The following P4HA1 variants were observed in gnomAD, a reference collection of about 807,000 sequenced individuals.
P4HA1 encodes the protein prolyl 4-hydroxylase subunit alpha-1.
In P4HA1, 24 loss-of-function variants were observed where a neutral mutation model predicts 72.8. The observed-to-expected ratio is 0.33, with a 90% CI of 0.24 to 0.46. The LOEUF (loss-of-function observed/expected upper bound fraction) is 0.46, where lower values mean the gene tolerates loss of function less well. Ranked by LOEUF, P4HA1 falls within the 20% of genes least tolerant of loss-of-function variation. The pLI, the probability that P4HA1 is intolerant of heterozygous loss-of-function variation, is 1.00. For synonymous variants in P4HA1, 201 were observed against 218.8 expected, an observed-to-expected ratio of 0.92 and a Z score of 0.72; for missense variants, 446 against 640.6, an observed-to-expected ratio of 0.70 and a Z score of 3.28.
intron 10 of P4HA1, among the ~76,000 whole-genome samples, chr10:73,018,854 C>A (rs1360811392): frequency 1.3e-5 from 2 of 152,038 alleles, no homozygotes; most frequent in Admixed American, 1.3e-4. Context: ...GCCTCAGAGT[C>A]ACAGATCCTG....
At chr10:73,027,805 TATGGAAGGA>T in intron 10 of P4HA1, among the ~76,000 whole-genome samples, 1 of 97,334 alleles carries the variant, frequency 1.0e-5, no homozygotes, top group Middle Eastern at 9.3e-3. Flanking sequence ...AGGAAGGAAA[TATGGAAGGA>T]AGGAAGGGAG....
At chr10:73,010,373 C>T (rs112198773) in intron 13 of P4HA1, among the ~76,000 whole-genome samples, 3 of 151,992 alleles carry the variant, frequency 2.0e-5, no homozygotes, top group Non-Finnish European at 2.9e-5. Context: ...CTTTAAGAAC[C>T]GTTTTTGATC....
intron 1 of P4HA1, among the ~76,000 whole-genome samples, chr10:73,077,872 C>T (rs1354983418): frequency 6.6e-6 from 1 of 150,926 alleles, no homozygotes; most frequent in Non-Finnish European, 1.5e-5. Context: ...ACCTGTGGTC[C>T]CAGCTACTTG....
chr10:73,052,796 A>C (rs1841049928), intron 6 of P4HA1, among the ~76,000 whole-genome samples: 1 of 152,212 alleles, frequency 6.6e-6, no homozygotes, highest in Non-Finnish European at 1.5e-5. Flanking sequence ...CAGAGATTAC[A>C]ATTTAGCAGA....
At chr10:73,047,798 C>T (rs898376082) in intron 7 of P4HA1, among the ~76,000 whole-genome samples, 1 of 151,974 alleles carries the variant, frequency 6.6e-6, no homozygotes, top group Admixed American at 6.6e-5. Context: ...GCCTATAACC[C>T]CAGCACTTTG....
intron 12 of P4HA1, among the ~76,000 whole-genome samples, chr10:73,013,827 T>A (rs905637980): frequency 1.2e-4 from 19 of 152,190 alleles, no homozygotes; most frequent in Non-Finnish European, 1.0e-4. Flanking sequence ...TAATACTTAA[T>A]TTGCGCACTC....
intron 5 of P4HA1, among the ~76,000 whole-genome samples, chr10:73,067,867 T>C (rs1841464577): frequency 6.6e-6 from 1 of 152,184 alleles, no homozygotes; most frequent in African/African-American, 2.4e-5. Flanking sequence ...TGTAAGAATG[T>C]TAAATACCCT....
Position 73,014,132 on chromosome 10 carries a change from T to G in P4HA1, c.1368+92A>C, listed in dbSNP as rs1270832386. The G allele has an allele frequency of 1.3e-5, 11 of 847,954 alleles. No individual in the cohort carries two copies. The East Asian group carries it at 2.7e-4, about 21-fold the overall frequency. 52.5% of individuals were successfully genotyped at this position (847,954 alleles called of 1,614,324 possible). A position where few individuals can be genotyped will look rare whatever the true frequency, so the allele number is the denominator to read the frequency against. ...TTGTAAAAATGTTAAACTAGGATGC[T>G]GAATCAGAGCTACACAGAACAAACT... On this transcript the variant is annotated intron_variant, in intron 12 of 14. Transcript: ENST00000394890.
intron 9 of P4HA1, among the ~76,000 whole-genome samples, chr10:73,042,347 C>A (rs962065815): frequency 2.6e-5 from 4 of 152,170 alleles, no homozygotes; most frequent in Admixed American, 2.6e-4. Context: ...CACATTCGGT[C>A]CAGCCTAATC....
chr10:73,077,190 T>C (rs1166590348), intron 1 of P4HA1, among the ~76,000 whole-genome samples: 2 of 152,244 alleles, frequency 1.3e-5, no homozygotes, highest in Non-Finnish European at 2.9e-5. Context: ...AGTCTAGAAT[T>C]TTCTGTTTAA....
intron 1 of P4HA1, among the ~76,000 whole-genome samples, chr10:73,083,775 G>A (rs1841870587): frequency 6.6e-6 from 1 of 152,098 alleles, no homozygotes; most frequent in Non-Finnish European, 1.5e-5. Flanking sequence ...AAGTGACAGA[G>A]TGGAACTTGG....
intron 10 of P4HA1, among the ~76,000 whole-genome samples, chr10:73,025,717 T>C (rs202101835): frequency 5.3e-5 from 8 of 152,136 alleles, no homozygotes; most frequent in Non-Finnish European, 1.0e-4. Context: ...GAAAACCCCA[T>C]TGTCTCAGCC....
At chr10:73,008,941 C>T (rs1198596801) in intron 14 of P4HA1, among the ~76,000 whole-genome samples, 1 of 151,976 alleles carries the variant, frequency 6.6e-6, no homozygotes, top group Non-Finnish European at 1.5e-5. Flanking sequence ...TTCATCAAAC[C>T]CTGACAATTT....
chr10:73,056,901 ATAC>A (rs1322376486), intron 5 of P4HA1, among the ~76,000 whole-genome samples: 4 of 151,218 alleles, frequency 2.6e-5, no homozygotes, highest in Non-Finnish European at 2.9e-5. Flanking sequence ...TCTACTAAAA[ATAC>A]AAAAACTTCG....
At chr10:73,024,247 G>A (rs1254452012) in intron 10 of P4HA1, among the ~76,000 whole-genome samples, 1 of 152,100 alleles carries the variant, frequency 6.6e-6, no homozygotes, top group East Asian at 1.9e-4. Flanking sequence ...TGGAAGTAAA[G>A]CACTCCTCAG....
chr10:73,093,915 C>T (rs868544511), intron 1 of P4HA1, among the ~76,000 whole-genome samples: 1,667 of 105,030 alleles, frequency 0.016, 50 homozygotes, highest in African/African-American at 0.061. Context: ...TATACACACA[C>T]ACACACACAC....
At chr10:73,059,533 G>A (rs1841258060) in intron 5 of P4HA1, among the ~76,000 whole-genome samples, 1 of 148,006 alleles carries the variant, frequency 6.8e-6, no homozygotes. Context: ...CATGAGGTCA[G>A]GAGATCGAGA....
intron 5 of P4HA1, among the ~76,000 whole-genome samples, chr10:73,061,184 C>T (rs1841302634): frequency 1.3e-5 from 2 of 152,158 alleles, no homozygotes; most frequent in African/African-American, 2.4e-5. Context: ...CAATCAGCAT[C>T]ATAAAAAGTG....
At chr10:73,082,603 C>T (rs1333212536) in intron 1 of P4HA1, 2 of 152,142 alleles carry the variant, frequency 1.3e-5, no homozygotes, top group Admixed American at 6.5e-5. Context: ...GCCAAGAATG[C>T]TTGATATTCT....
Sources: allele counts gnomAD v4.1 joint callset (sites outside exome capture counted in the v4.1 genomes callset), GRCh38; gene constraint gnomAD v4.1.1; transcripts MANE v1.5; gene names NCBI Gene and HGNC (gene_info 2026-07-23, HGNC 2026-07-21).